The following FAM53A variants were observed in gnomAD, a reference collection of about 807,000 sequenced individuals.
The protein encoded by FAM53A is protein FAM53A.
Under a neutral mutation model 26.6 loss-of-function variants are expected in FAM53A, and 28 were observed. The ratio of observed to expected loss-of-function variants is 1.05; its 90% CI spans 0.78 to 1.45. The LOEUF (loss-of-function observed/expected upper bound fraction) is 1.45, where lower values mean the gene tolerates loss of function less well. Ranked by LOEUF, FAM53A falls within the 40% of genes most tolerant of loss-of-function variation. The pLI is 0.00. For synonymous variants in FAM53A, 290 were observed against 253.1 expected (o/e 1.15, Z -1.38); for missense variants, 650 against 575.8 (o/e 1.13, Z -1.32).
chr4:1,646,105 C>CTT (rs776533410), intron 4 of FAM53A, among the ~76,000 whole-genome samples: 9 of 145,638 alleles, frequency 6.2e-5, no homozygotes, highest in East Asian at 4.0e-4. Context: ...CTCCAGAACT[C>CTT]TTTTTTTTTT....
chr4:1,576,206 G>T, the FAM53A span, among the ~76,000 whole-genome samples: 3 of 152,188 alleles, frequency 2.0e-5, no homozygotes, highest in Non-Finnish European at 4.4e-5. Context: ...TTAATCTCGC[G>T]CCTATCTATC....
the FAM53A span, among the ~76,000 whole-genome samples, chr4:1,575,043 C>T: frequency 7.2e-5 from 11 of 152,342 alleles, no homozygotes; most frequent in African/African-American, 2.2e-4. Flanking sequence ...CCAGTCCCCA[C>T]GCAGTGAAGG....
At chr4:1,623,337 C>G (rs74913113) in intron 1 of FAM53A, among the ~76,000 whole-genome samples, 1 of 151,928 alleles carries the variant, frequency 6.6e-6, no homozygotes, top group Non-Finnish European at 1.5e-5. Flanking sequence ...CTGCCACCCC[C>G]ACCCCCACCG....
the FAM53A span, among the ~76,000 whole-genome samples, chr4:1,609,348 G>A: frequency 5.7e-4 from 86 of 152,048 alleles, no homozygotes; most frequent in Non-Finnish European, 7.8e-4. Context: ...TCACGGGAAG[G>A]CCCAGGCCTG....
chr4:1,652,803 T>TCA (rs1228030605), intron 4 of FAM53A, among the ~76,000 whole-genome samples: 2 of 87,786 alleles, frequency 2.3e-5, no homozygotes, highest in African/African-American at 4.7e-5. Context: ...ACCACACACG[T>TCA]CACACACACA....
At chr4:1,617,669 C>T (rs1714857945), downstream of FAM53A, among the ~76,000 whole-genome samples, 2 of 152,146 alleles carry the variant, frequency 1.3e-5, no homozygotes, top group South Asian at 4.1e-4. Context: ...ATTTCTGTTC[C>T]GAGACCTGCC....
the FAM53A span, among the ~76,000 whole-genome samples, chr4:1,607,915 G>A: frequency 4.0e-5 from 6 of 149,010 alleles, no homozygotes; most frequent in Non-Finnish European, 7.4e-5. Flanking sequence ...ACTCCAACCT[G>A]GGCAAAAAGA....
intron 1 of FAM53A, among the ~76,000 whole-genome samples, chr4:1,621,172 G>A (rs532684557): frequency 3.5e-5 from 5 of 142,930 alleles, no homozygotes; most frequent in South Asian, 2.2e-4. Context: ...GCACAATCTC[G>A]GCTCACTACA....
At chr4:1,652,467 A>ACACACAT (rs1491242096) in intron 4 of FAM53A, among the ~76,000 whole-genome samples, 29 of 145,720 alleles carry the variant, frequency 2.0e-4, no homozygotes, top group Non-Finnish European at 2.1e-4. Context: ...CACACACACG[A>ACACACAT]CACACATCAC....
intron 2 of FAM53A, among the ~76,000 whole-genome samples, chr4:1,657,841 G>A (rs539835779): frequency 3.7e-4 from 56 of 151,734 alleles, no homozygotes; most frequent in African/African-American, 1.3e-3. Context: ...GGGTTTCACC[G>A]TGTTAGCCAG....
chr4:1,618,048 T>C, exon 2 of FAM53A: 1 of 456,236 alleles, frequency 2.2e-6, no homozygotes, highest in South Asian at 1.5e-5. Flanking sequence ...GCCGTGAAGA[T>C]GGGAAGATGG....
intron 4 of FAM53A, 147 bp downstream of exon 4, chr4:1,654,831 G>C (rs1284061749): frequency 4.3e-6 from 5 of 1,160,590 alleles, no homozygotes; most frequent in Non-Finnish European, 4.6e-6. Context: ...ACGCACTCCA[G>C]ATGGCTCTCC....
chr4:1,676,661 T>C (rs576557921), intron 1 of FAM53A, among the ~76,000 whole-genome samples: 21 of 152,258 alleles, frequency 1.4e-4, no homozygotes, highest in African/African-American at 4.1e-4. Flanking sequence ...ACTACACCCA[T>C]GCACACAGCC....
Position 1,630,971 on chromosome 4 carries a change from AG to A in FAM53A, c.432-12861del, listed in dbSNP as rs1715588047. Among the ~76,000 whole-genome samples, 1 of 152,230 alleles carries A rather than the reference AG, an allele frequency of 6.6e-6. No individual in the cohort carries two copies. Among genetic ancestry groups the A allele is most frequent in the Non-Finnish European group, 1.5e-5 (1 of 68,040 alleles). On this transcript the variant is annotated intron_variant, in intron 1 of 1. Transcript: ENST00000489029. The surrounding 1 kb of genome is among the most constrained non-coding windows in gnomAD (Gnocchi z 4.3). The stretch of plus-strand genomic sequence containing the variant: ...GGCAGGAGGACTGTTTGAGCCCCAG[AG>A]GTCAAGACTGCAGTGAGCCATGATC...
At chr4:1,592,050 T>C in the FAM53A span, among the ~76,000 whole-genome samples, 3 of 152,012 alleles carry the variant, frequency 2.0e-5, no homozygotes, top group Non-Finnish European at 4.4e-5. Context: ...GGATGATAAA[T>C]GGATGCTATT....
intron 2 of FAM53A, among the ~76,000 whole-genome samples, chr4:1,665,492 A>G (rs111249222): frequency 5.9e-5 from 9 of 152,208 alleles, no homozygotes; most frequent in African/African-American, 1.9e-4. Flanking sequence ...CATCTCAAAA[A>G]AAAAAAAAAA....
intron 4 of FAM53A, among the ~76,000 whole-genome samples, chr4:1,645,553 C>G (rs1712164806): frequency 6.6e-6 from 1 of 152,220 alleles, no homozygotes; most frequent in South Asian, 2.1e-4. Flanking sequence ...GTCTCCCCAG[C>G]CCTCCACACA....
intron 1 of FAM53A, among the ~76,000 whole-genome samples, chr4:1,678,935 AG>A (rs1481298530): frequency 6.6e-6 from 1 of 152,154 alleles, no homozygotes; most frequent in Non-Finnish European, 1.5e-5. Flanking sequence ...ATAACACAAG[AG>A]AAAAATATAG....
Position 1,659,631 on chromosome 4 carries a change from G to A in FAM53A, c.76-2163C>T, listed in dbSNP as rs1713681799. On this transcript the variant is annotated intron_variant, in intron 2 of 4. Transcript: ENST00000308132. This position sits in a 1 kb window ranked among gnomAD's most constrained non-coding sequence, Gnocchi z 5.2. ...CAGACAAACAGAGCCAGGGTCCCCG[G>A]GAGACAGGAAAGGCTGGGCAGCCAG... Among the ~76,000 whole-genome samples the A allele has an allele frequency of 6.6e-6, 1 of 152,196 alleles. No homozygotes were observed. Among genetic ancestry groups the A allele is most frequent in the Admixed American group, 6.5e-5 (1 of 15,284 alleles).
Sources: gnomAD v4.1 joint callset for allele counts (sites outside exome capture counted in the v4.1 genomes callset) on GRCh38, gnomAD v4.1.1 for gene constraint, Gnocchi (gnomAD v3.1) non-coding constraint, MANE v1.5 for transcripts, NCBI Gene and HGNC (gene_info 2026-07-23, HGNC 2026-07-21) for gene names.